Variants in ARHGEF9 observed in about 807,000 individuals in gnomAD.
The protein encoded by ARHGEF9 is rho guanine nucleotide exchange factor 9.
A neutral mutation model predicts 41.3 loss-of-function variants in ARHGEF9; 2 were observed. That is an observed-to-expected ratio of 0.05 (90% CI 0.02 to 0.15). The LOEUF is 0.15. Ranked by LOEUF, ARHGEF9 falls within the 10% of genes least tolerant of loss-of-function variation. The pLI is 1.00. For missense variants in ARHGEF9, 225 were observed against 424.7 expected (o/e 0.53, Z 4.13); for synonymous variants, 160 against 154.4 (o/e 1.04, Z -0.27).
At chrX:63,758,774 A>G (rs2055977674) in intron 1 of ARHGEF9, among the ~76,000 whole-genome samples, 3 of 112,232 alleles carry the variant, frequency 2.7e-5, no homozygotes, top group Non-Finnish European at 3.8e-5. Context: ...CTCCCATAGG[A>G]TCCTACGTTT....
chrX:63,708,971 G>T (rs1364448736), intron 2 of ARHGEF9, among the ~76,000 whole-genome samples: 4 of 111,926 alleles, frequency 3.6e-5, no homozygotes, highest in African/African-American at 1.3e-4. Flanking sequence ...TAAGTCCTCT[G>T]CTCTTGAGAG....
At chrX:63,756,127 G>A (rs2147794288) in intron 1 of ARHGEF9, among the ~76,000 whole-genome samples, 1 of 111,290 alleles carries the variant, frequency 9.0e-6, no homozygotes, top group Non-Finnish European at 1.9e-5. Flanking sequence ...TCCTCTCAGG[G>A]GTCTGTCTTC....
intron 1 of ARHGEF9, among the ~76,000 whole-genome samples, chrX:63,745,659 A>C: frequency 9.0e-6 from 1 of 111,345 alleles, no homozygotes; most frequent in Non-Finnish European, 1.9e-5. Context: ...TCTCACTTGT[A>C]AAAAAAGGAA....
chrX:63,774,097 T>G (rs1399196762), intron 1 of ARHGEF9, among the ~76,000 whole-genome samples: 1 of 108,435 alleles, frequency 9.2e-6, no homozygotes, highest in Non-Finnish European at 1.9e-5. Context: ...ATCTATCTAC[T>G]TATCCACTCA....
chrX:63,696,978 A>G (rs2051795792), intron 4 of ARHGEF9, 147 bp downstream of exon 4: 1 of 583,828 alleles, frequency 1.7e-6, no homozygotes, highest in Non-Finnish European at 2.7e-6. Flanking sequence ...TTTCCTGGCT[A>G]GAGACCAGGG....
intron 2 of ARHGEF9, 76 bp from the exon 3 acceptor site, chrX:63,706,525 T>G (rs2052558213): frequency 9.5e-7 from 1 of 1,048,750 alleles, no homozygotes; most frequent in Non-Finnish European, 1.3e-6. Context: ...AGAAAAAGGA[T>G]GAACTGAACT....
At chrX:63,735,786 C>T (rs781998839) in intron 1 of ARHGEF9, among the ~76,000 whole-genome samples, 2 of 112,116 alleles carry the variant, frequency 1.8e-5, no homozygotes, top group South Asian at 3.8e-4. Flanking sequence ...GCATACGTTT[C>T]CAAAGAGAAT....
At chrX:63,669,091 T>C (rs1556352193) in intron 6 of ARHGEF9, among the ~76,000 whole-genome samples, 1 of 112,491 alleles carries the variant, frequency 8.9e-6, no homozygotes, top group Non-Finnish European at 1.9e-5. Flanking sequence ...ATTAAAACAG[T>C]TCCTGTTTGA....
chrX:63,682,523 A>G (rs1483166932), intron 4 of ARHGEF9, among the ~76,000 whole-genome samples: 1 of 110,118 alleles, frequency 9.1e-6, no homozygotes, highest in Non-Finnish European at 1.9e-5. Context: ...AAAAAAAAAA[A>G]AGAAGAAAAG....
chrX:63,635,169 C>T lies in ARHGEF9; in HGVS notation c.*2859G>A. On this transcript the variant is annotated 3_prime_UTR_variant, in exon 10 of 10. Coordinates refer to ENST00000671741, the MANE Select transcript of ARHGEF9 (RefSeq NM_001353921.2). The stretch of plus-strand genomic sequence containing the variant: ...AAGTCACTGTTGCCCATCCATCCAC[C>T]CCAGCCCACCCCATCCCCAAAGCAC... 2.5e-6 allele frequency: 1 copy of T among 394,606 alleles called. No individual in the cohort carries two copies. The allele number at this position is 394,606 out of a possible 1,213,427, so 32.5% of individuals were successfully genotyped here.
chrX:63,749,890 T>C (rs782224367), intron 1 of ARHGEF9, among the ~76,000 whole-genome samples: 1 of 112,378 alleles, frequency 8.9e-6, no homozygotes, highest in South Asian at 3.7e-4. Flanking sequence ...AAATACTCTA[T>C]GGAGCTAGAT....
chrX:63,754,939 C>A, intron 1 of ARHGEF9: 1 of 939,471 alleles, frequency 1.1e-6, no homozygotes, highest in Non-Finnish European at 1.3e-6. Flanking sequence ...GGTTCTCCGG[C>A]GCCTGCTCAG....
At chrX:63,700,180 A>T (rs782420453) in intron 3 of ARHGEF9, among the ~76,000 whole-genome samples, 12 of 112,265 alleles carry the variant, frequency 1.1e-4, no homozygotes, top group African/African-American at 2.3e-4. Flanking sequence ...CTTGCTAAAG[A>T]TTACAAATAA....
chrX:63,784,922 G>A (rs1556464384), intron 1 of ARHGEF9, among the ~76,000 whole-genome samples, 194 bp downstream of exon 1: 1 of 111,331 alleles, frequency 9.0e-6, no homozygotes, highest in African/African-American at 3.3e-5. Flanking sequence ...ATGGTAGGGG[G>A]GTTTCCTGGG....
Position 63,650,677 on chromosome X carries a change from A to G in ARHGEF9, c.1321+4817T>C, listed in dbSNP as rs150284434. Among the ~76,000 whole-genome samples the G allele has an allele frequency of 1.1e-3, 117 of 111,341 alleles. 3 individuals carry two copies. The East Asian group carries it at 0.029, about 27-fold the overall frequency. On this transcript the variant is annotated intron_variant, in intron 8 of 9. Coordinates refer to ENST00000671741, the MANE Select transcript of ARHGEF9 (RefSeq NM_001353921.2). ...ATGTTCCCAACACAAAGAAAAGATG[A>G]GCATTTGAGGTGATGAATATCGCAA... is the stretch of plus-strand genomic sequence containing the variant.
At chrX:63,760,378 C>G (rs782727563) in intron 1 of ARHGEF9, among the ~76,000 whole-genome samples, 1 of 111,221 alleles carries the variant, frequency 9.0e-6, no homozygotes, top group African/African-American at 3.3e-5. Context: ...CAGGCTGCCC[C>G]CTAAGGACAA....
chrX:63,774,979 C>CA (rs1201845873), intron 1 of ARHGEF9, among the ~76,000 whole-genome samples: 31 of 110,752 alleles, frequency 2.8e-4, no homozygotes, highest in Non-Finnish European at 4.4e-4. Context: ...AGCACACACA[C>CA]AAAAAAAATA....
intron 5 of ARHGEF9, among the ~76,000 whole-genome samples, chrX:63,675,617 A>G (rs1213747711): frequency 8.9e-6 from 1 of 112,197 alleles, no homozygotes; most frequent in Non-Finnish European, 1.9e-5. Context: ...CATATAACAA[A>G]TGTTAGCAGT....
chrX:63,689,126 T>C, intron 4 of ARHGEF9, among the ~76,000 whole-genome samples: 1 of 111,496 alleles, frequency 9.0e-6, no homozygotes, highest in Non-Finnish European at 1.9e-5. Flanking sequence ...AGTAAGTCCT[T>C]ACCTTTCAAA....
Sources: gnomAD v4.1 joint callset for allele counts (sites outside exome capture counted in the v4.1 genomes callset) on GRCh38, gnomAD v4.1.1 for gene constraint, MANE v1.5 for transcripts, NCBI Gene and HGNC (gene_info 2026-07-23, HGNC 2026-07-21) for gene names.